The following ANK2 variants were observed in gnomAD, a reference collection of about 807,000 sequenced individuals.
ANK2 encodes ankyrin 2, also known as ankyrin-2.
Under a neutral mutation model 360.5 loss-of-function variants are expected in ANK2, and 83 were observed. That is an observed-to-expected ratio of 0.23 (90% CI 0.19 to 0.28). The LOEUF is 0.28. ANK2 is among the 10% of genes least tolerant of loss of function. The pLI is 1.00. For missense variants in ANK2, 4,201 were observed against 4,795.7 expected (o/e 0.88, Z 3.66); for synonymous variants, 1,740 against 1,759.5 (o/e 0.99, Z 0.28).
At chr4:112,841,448 T>C (rs1048445050) in intron 1 of ANK2, among the ~76,000 whole-genome samples, 3 of 152,164 alleles carry the variant, frequency 2.0e-5, no homozygotes, top group African/African-American at 7.2e-5. Context: ...TTGACCTGAG[T>C]TCTTTTTCAG....
chr4:112,748,370 T>G, the ANK2 span, among the ~76,000 whole-genome samples: 1 of 152,180 alleles, frequency 6.6e-6, no homozygotes, highest in Non-Finnish European at 1.5e-5. Context: ...TTGTTAGACT[T>G]GAGCCTGCTA....
intron 2 of ANK2, among the ~76,000 whole-genome samples, chr4:113,023,256 T>C (rs2058560424): frequency 1.3e-5 from 2 of 152,238 alleles, no homozygotes; most frequent in Non-Finnish European, 1.5e-5. Flanking sequence ...CATTATTTTT[T>C]CTGTACTTAG....
intron 2 of ANK2, among the ~76,000 whole-genome samples, chr4:112,948,806 C>T (rs1175523062): frequency 6.6e-6 from 1 of 152,126 alleles, no homozygotes. Flanking sequence ...TGCCTCTGCC[C>T]CATATTCTCC....
chr4:112,755,481 C>T, the ANK2 span, among the ~76,000 whole-genome samples: 1 of 152,134 alleles, frequency 6.6e-6, no homozygotes, highest in Non-Finnish European at 1.5e-5. Context: ...TTAGTTCTTA[C>T]AGGTTTTGGG....
At chr4:113,045,755 A>G (rs1411192532), upstream of ANK2, among the ~76,000 whole-genome samples, 1 of 152,224 alleles carries the variant, frequency 6.6e-6, no homozygotes, top group Non-Finnish European at 1.5e-5. Context: ...TGCCTGCAGC[A>G]ACTCCCTTTT....
chr4:113,269,496 C>T (rs181790739), intron 14 of ANK2, among the ~76,000 whole-genome samples: 28 of 152,336 alleles, frequency 1.8e-4, no homozygotes, highest in African/African-American at 6.3e-4. Flanking sequence ...CCTCATGGCA[C>T]GGTCCCTCAC....
At chr4:113,326,595 CTCTT>C (rs540263508) in intron 26 of ANK2, among the ~76,000 whole-genome samples, 83 of 145,256 alleles carry the variant, frequency 5.7e-4, no homozygotes, top group African/African-American at 2.3e-3. Context: ...TTTCTTCTCT[CTCTT>C]CTCTTTCTCT....
the ANK2 span, among the ~76,000 whole-genome samples, chr4:112,742,366 A>G: frequency 1.8e-4 from 27 of 152,008 alleles, no homozygotes; most frequent in African/African-American, 6.5e-4. Context: ...CCGTGTTGGC[A>G]CAGTGTCTTC....
intron 2 of ANK2, among the ~76,000 whole-genome samples, chr4:112,943,383 A>G (rs920501056): frequency 3.3e-5 from 5 of 151,764 alleles, no homozygotes; most frequent in African/African-American, 1.2e-4. Flanking sequence ...GCTTGCAAAT[A>G]TGGGCAGTGT....
At chr4:113,133,098 T>C (rs528970884) in intron 1 of ANK2, among the ~76,000 whole-genome samples, 13 of 152,244 alleles carry the variant, frequency 8.5e-5, no homozygotes, top group East Asian at 7.7e-4. Flanking sequence ...GCAACGTAAT[T>C]ATTGGTTGTT....
At chr4:113,145,654 A>G in intron 1 of ANK2, 2 of 1,123,110 alleles carry the variant, frequency 1.8e-6, no homozygotes, top group Non-Finnish European at 2.2e-6. Flanking sequence ...TGGTCACTGA[A>G]TGCAGCCTGC....
the ANK2 span, among the ~76,000 whole-genome samples, chr4:112,776,076 C>CTAAG: frequency 6.6e-6 from 1 of 151,998 alleles, no homozygotes; most frequent in African/African-American, 2.4e-5. Flanking sequence ...GAGAAGAGAA[C>CTAAG]TAAGGGTAGG....
chr4:113,061,272 C>A (rs998115766), intron 1 of ANK2, among the ~76,000 whole-genome samples: 2 of 152,068 alleles, frequency 1.3e-5, no homozygotes, highest in African/African-American at 4.8e-5. Context: ...CTTACACTTA[C>A]TGTAACAAAA....
intron 1 of ANK2, chr4:112,881,652 C>T (rs2076720367): frequency 2.3e-6 from 1 of 430,458 alleles, no homozygotes; most frequent in Non-Finnish European, 4.2e-6. Flanking sequence ...TTTACACTTT[C>T]CACAGAACAG....
rs967657735 is a variant in ANK2 at position 113,374,965 on chromosome 4, T to C, written c.11859+1516T>C. 2.7e-6 allele frequency: 3 copies of C among 1,096,154 alleles called. No individual in the cohort carries two copies. The Admixed American group carries it at 1.3e-4, about 46-fold the overall frequency. The allele number at this position is 1,096,154 out of a possible 1,614,324, so 67.9% of individuals were successfully genotyped here. ...TGAAGAGGTATAGAAGCATCATCATTTGTCTTTTTATGTGTGTGTTTTATG... is the reference window on the plus strand; with the variant it reads ...TGAAGAGGTATAGAAGCATCATCATCTGTCTTTTTATGTGTGTGTTTTATG... On this transcript the variant is annotated intron_variant, in intron 45 of 45. Coordinates refer to ENST00000357077, the MANE Select transcript of ANK2 (RefSeq NM_001148.6).
intron 1 of ANK2, among the ~76,000 whole-genome samples, chr4:113,057,873 A>G (rs2070915318): frequency 6.6e-6 from 1 of 152,074 alleles, no homozygotes; most frequent in Non-Finnish European, 1.5e-5. Context: ...GCAGCTAAAA[A>G]CTGGTTTGTC....
chr4:113,265,282 C>T (rs969986063), intron 14 of ANK2, among the ~76,000 whole-genome samples: 4 of 152,088 alleles, frequency 2.6e-5, no homozygotes, highest in Non-Finnish European at 5.9e-5. Flanking sequence ...CCTCGGAAAG[C>T]ACTTTCTCAT....
the ANK2 span, among the ~76,000 whole-genome samples, chr4:112,783,578 A>G: frequency 6.6e-6 from 1 of 151,558 alleles, no homozygotes; most frequent in African/African-American, 2.4e-5. Flanking sequence ...CATTTTGGCG[A>G]TTTGCTTTTT....
intron 2 of ANK2, among the ~76,000 whole-genome samples, chr4:112,926,204 T>C (rs2092527249): frequency 6.6e-6 from 1 of 152,142 alleles, no homozygotes; most frequent in Non-Finnish European, 1.5e-5. Context: ...TGGTGTGCAG[T>C]CCAAATTGAG....
Sources: allele counts gnomAD v4.1 joint callset (sites outside exome capture counted in the v4.1 genomes callset), GRCh38; gene constraint gnomAD v4.1.1; transcripts MANE v1.5; gene names NCBI Gene and HGNC (gene_info 2026-07-23, HGNC 2026-07-21).